FHIT: variants seen among roughly 807,000 people sequenced by gnomAD.
FHIT encodes the protein bis(5'-adenosyl)-triphosphatase.
In FHIT, 19 loss-of-function variants were observed where a neutral mutation model predicts 17.9. That is an observed-to-expected ratio of 1.06 (90% confidence interval 0.74 to 1.56). The LOEUF (loss-of-function observed/expected upper bound fraction) is 1.56. FHIT is among the 40% of genes most tolerant of loss of function. FHIT has a pLI of 0.00. For synonymous variants in FHIT, 81 were observed against 69.7 expected, an observed-to-expected ratio of 1.16 and a Z score of -0.81; for missense variants, 248 against 189.2, an observed-to-expected ratio of 1.31 and a Z score of -1.82.
chr3:61,081,937 A>C (rs1338000815), intron 2 of FHIT, among the ~76,000 whole-genome samples: 1 of 152,180 alleles, frequency 6.6e-6, no homozygotes, highest in African/African-American at 2.4e-5. Context: ...CCAAGTCGTG[A>C]GCAGACACCT....
chr3:60,554,648 C>G lies in FHIT; in HGVS notation c.-17-17669G>C, dbSNP rs545305232. 1.8e-3 allele frequency among the ~76,000 whole-genome samples: 267 copies of G among 152,274 alleles called. 1 individual carries two copies. The highest frequency in any genetic ancestry group is 6.2e-3 in the African/African-American group (256 of 41,558). ...AGTCAGAGGTTAAGAAACATTGGGT[C>G]TTTTACTTTAACACTTCTCACATAT... is the stretch of plus-strand genomic sequence containing the variant. On this transcript the variant is annotated intron_variant, in intron 4 of 9. Coordinates refer to ENST00000492590, the MANE Select transcript of FHIT (RefSeq NM_002012.4).
At chr3:60,923,943 A>G (rs1217623597) in intron 3 of FHIT, among the ~76,000 whole-genome samples, 2 of 152,194 alleles carry the variant, frequency 1.3e-5, no homozygotes, top group Non-Finnish European at 1.5e-5. Context: ...TCCTACGCCC[A>G]TGGAGCCTCC....
In FHIT at chr3:60,149,405, T is replaced by C. The variant is rs566610648; in HGVS notation, c.104-135253A>G. On this transcript the variant is annotated intron_variant, in intron 5 of 9. Transcript: ENST00000492590. ...TGAAAACAAAAGGGTAATTCTTCTA[T>C]GGAGTTGTCTTGCAAAATTCTATTC... Among the ~76,000 whole-genome samples the C allele has an allele frequency of 3.5e-4, 54 of 152,206 alleles. No individual in the cohort carries two copies. The East Asian group carries it at 0.01, about 29-fold the overall frequency.
chr3:60,947,729 G>C (rs1708701018), intron 3 of FHIT, among the ~76,000 whole-genome samples: 1 of 152,190 alleles, frequency 6.6e-6, no homozygotes, highest in East Asian at 1.9e-4. Flanking sequence ...AGCAACAACT[G>C]TCCATCTGCA....
chr3:60,489,146 C>T (rs2107496058), intron 5 of FHIT, among the ~76,000 whole-genome samples: 1 of 149,980 alleles, frequency 6.7e-6, no homozygotes, highest in Non-Finnish European at 1.5e-5. Flanking sequence ...TAAGCAAATA[C>T]TATTATTATT....
At chr3:60,927,951 C>T (rs1051531140) in intron 3 of FHIT, among the ~76,000 whole-genome samples, 12 of 152,212 alleles carry the variant, frequency 7.9e-5, no homozygotes, top group African/African-American at 1.9e-4. Flanking sequence ...GACTCCATTT[C>T]GTTTTGTACT....
At chr3:60,554,459 G>C (rs2036676572) in intron 4 of FHIT, among the ~76,000 whole-genome samples, 1 of 152,102 alleles carries the variant, frequency 6.6e-6, no homozygotes, top group South Asian at 2.1e-4. Flanking sequence ...AGATATCACA[G>C]ATATTCATCT....
intron 5 of FHIT, among the ~76,000 whole-genome samples, chr3:60,475,040 C>T (rs1287905635): frequency 2.0e-5 from 3 of 149,662 alleles, no homozygotes; most frequent in African/African-American, 7.7e-5. Flanking sequence ...GAACTTAGCT[C>T]ATGTCAGAAA....
chr3:61,065,053 C>G (rs2034554489), intron 2 of FHIT, among the ~76,000 whole-genome samples: 1 of 152,066 alleles, frequency 6.6e-6, no homozygotes, highest in Admixed American at 6.5e-5. Context: ...ATTCCCTGTC[C>G]TTTGGCCTGT....
intron 1 of FHIT, among the ~76,000 whole-genome samples, chr3:61,236,527 T>C (rs749786650): frequency 6.6e-6 from 1 of 152,078 alleles, no homozygotes; most frequent in South Asian, 2.1e-4. Flanking sequence ...AACAGCTCAT[T>C]AGGTCCCTGA....
At chr3:60,381,833 G>A (rs1392311310) in intron 5 of FHIT, among the ~76,000 whole-genome samples, 2 of 151,540 alleles carry the variant, frequency 1.3e-5, no homozygotes, top group Non-Finnish European at 2.9e-5. Flanking sequence ...TGTAACTCTG[G>A]GTATGGCGTG....
intron 4 of FHIT, among the ~76,000 whole-genome samples, chr3:60,727,993 G>T (rs1716754): frequency 0.12 from 18,587 of 152,232 alleles, 1,235 homozygotes; most frequent in Admixed American, 0.15. Context: ...GACAGGGCGA[G>T]ACTCCGTCTC....
At chr3:60,925,226 T>G (rs1220157102) in intron 3 of FHIT, among the ~76,000 whole-genome samples, 9 of 152,096 alleles carry the variant, frequency 5.9e-5, no homozygotes, top group Non-Finnish European at 1.0e-4. Flanking sequence ...AAGATACTCC[T>G]CGAGAAGAGC....
chr3:60,032,674 T>C (rs1701052291), intron 5 of FHIT, among the ~76,000 whole-genome samples: 2 of 152,154 alleles, frequency 1.3e-5, no homozygotes, highest in South Asian at 4.1e-4. Flanking sequence ...TATGCCTCCC[T>C]ATACACTGTG....
At chr3:60,844,135 C>T (rs1440411861) in intron 3 of FHIT, among the ~76,000 whole-genome samples, 1 of 152,082 alleles carries the variant, frequency 6.6e-6, no homozygotes, top group Non-Finnish European at 1.5e-5. Context: ...ATAAATAATA[C>T]AAAGGCATAC....
intron 4 of FHIT, among the ~76,000 whole-genome samples, chr3:60,609,913 A>G (rs17670088): frequency 0.3 from 45,731 of 152,058 alleles, 7,083 homozygotes; most frequent in African/African-American, 0.32. Context: ...TTTACAGAAG[A>G]AAGATTAGAC....
At chr3:59,810,298 G>A (rs1488512585) in intron 8 of FHIT, among the ~76,000 whole-genome samples, 1 of 152,170 alleles carries the variant, frequency 6.6e-6, no homozygotes, top group Non-Finnish European at 1.5e-5. Context: ...CTCAGAGAGA[G>A]TGACAAATAA....
At chr3:60,349,842 A>G (rs905258065) in intron 5 of FHIT, among the ~76,000 whole-genome samples, 2 of 152,202 alleles carry the variant, frequency 1.3e-5, no homozygotes, top group African/African-American at 4.8e-5. Context: ...TATCATATTT[A>G]TAACTAACAT....
At chr3:60,434,163 T>C (rs149535968) in intron 5 of FHIT, among the ~76,000 whole-genome samples, 20 of 152,250 alleles carry the variant, frequency 1.3e-4, no homozygotes, top group Non-Finnish European at 2.5e-4. Flanking sequence ...GGGTGGTTAC[T>C]GTATACCTTG....
Sources: gnomAD v4.1 joint callset for allele counts (sites outside exome capture counted in the v4.1 genomes callset) on GRCh38, gnomAD v4.1.1 for gene constraint, MANE v1.5 for transcripts, NCBI Gene and HGNC (gene_info 2026-07-23, HGNC 2026-07-21) for gene names.